CTNNA3: variants seen among roughly 807,000 people sequenced by gnomAD.
CTNNA3 encodes catenin alpha 3.
CTNNA3 carries 76 observed loss-of-function variants against 95.7 expected under a neutral mutation model. The observed-to-expected ratio is 0.79, with a 90% CI of 0.66 to 0.96. CTNNA3 has a LOEUF of 0.96. Ranked by LOEUF, CTNNA3 falls within the 40% of genes least tolerant of loss-of-function variation. The pLI is 0.00. For missense variants in CTNNA3, 1,191 were observed against 1,089.8 expected (o/e 1.09, Z -1.31); for synonymous variants, 431 against 374.4 (o/e 1.15, Z -1.74).
chr10:66,494,691 A>C (rs1388574415), intron 11 of CTNNA3, among the ~76,000 whole-genome samples: 1 of 152,210 alleles, frequency 6.6e-6, no homozygotes, highest in Admixed American at 6.5e-5. Flanking sequence ...TAGGAAATGT[A>C]ATGACTCTAC....
chr10:67,485,389 G>T (rs1452987971), intron 5 of CTNNA3, among the ~76,000 whole-genome samples: 1 of 152,120 alleles, frequency 6.6e-6, no homozygotes, highest in Non-Finnish European at 1.5e-5. Flanking sequence ...TACCTATTGT[G>T]TACTATGCCC....
intron 7 of CTNNA3, 92 bp from the exon 8 acceptor site, chr10:66,775,616 T>G (rs562520564): frequency 1.2e-6 from 1 of 861,520 alleles, no homozygotes; most frequent in Non-Finnish European, 1.9e-6. Context: ...AATAACAGCT[T>G]GAAATTCAAG....
intron 7 of CTNNA3, among the ~76,000 whole-genome samples, chr10:67,051,589 G>C (rs927751823): frequency 6.6e-6 from 1 of 150,520 alleles, no homozygotes; most frequent in African/African-American, 2.5e-5. Context: ...TCAGGAGATG[G>C]TCTCGATCTT....
At chr10:66,137,418 G>A (rs542932297) in intron 13 of CTNNA3, among the ~76,000 whole-genome samples, 3 of 152,078 alleles carry the variant, frequency 2.0e-5, no homozygotes, top group African/African-American at 7.2e-5. Context: ...GGACTGTTCT[G>A]GATTAAAGAA....
intron 11 of CTNNA3, among the ~76,000 whole-genome samples, chr10:66,508,551 T>C (rs2131985113): frequency 6.6e-6 from 1 of 152,224 alleles, no homozygotes; most frequent in African/African-American, 2.4e-5. Flanking sequence ...ATGTATAAAC[T>C]TCTGGGACTT....
intron 13 of CTNNA3, among the ~76,000 whole-genome samples, chr10:66,112,379 C>T (rs2082153952): frequency 6.6e-6 from 1 of 152,084 alleles, no homozygotes; most frequent in Admixed American, 6.6e-5. Context: ...TTTCTTCTTA[C>T]AATCTTTTAA....
intron 7 of CTNNA3, among the ~76,000 whole-genome samples, chr10:66,976,849 T>TTTGTTTTTGCTC (rs1235394275): frequency 2.4e-4 from 37 of 152,290 alleles, no homozygotes; most frequent in Non-Finnish European, 4.4e-5. Context: ...TACCCACGTT[T>TTTGTTTTTGCTC]TTGTTTTTGC....
In CTNNA3 at chr10:67,748,234, G is replaced by A. The variant is rs560895335; in HGVS notation, c.-2+15200C>T. Reference sequence around the variant, plus strand: ...AACTTAGCAAAACAGGCCAACATTCGAATTCAGGAAATACAGAGAACCCCA... The same window carrying A: ...AACTTAGCAAAACAGGCCAACATTCAAATTCAGGAAATACAGAGAACCCCA... On this transcript the variant is annotated intron_variant, in intron 1 of 17. Coordinates refer to the CTNNA3 transcript ENST00000684154. Among the ~76,000 whole-genome samples, 12 of 152,042 alleles carry A rather than the reference G, an allele frequency of 7.9e-5. 1 individual carries two copies. In the South Asian group the frequency reaches 1.7e-3, roughly 21 times the overall value.
intron 7 of CTNNA3, among the ~76,000 whole-genome samples, chr10:66,887,699 A>T (rs1347033334): frequency 6.6e-6 from 1 of 151,956 alleles, no homozygotes; most frequent in East Asian, 1.9e-4. Flanking sequence ...TGTAACTTCA[A>T]CTCCCTGAAT....
intron 3 of CTNNA3, among the ~76,000 whole-genome samples, chr10:67,601,926 T>A (rs1202035624): frequency 1.3e-5 from 2 of 152,136 alleles, no homozygotes; most frequent in Non-Finnish European, 1.5e-5. Flanking sequence ...GTAACCAAAA[T>A]ACCCACATTA....
At chr10:66,889,700 G>A (rs1047968452) in intron 7 of CTNNA3, among the ~76,000 whole-genome samples, 16 of 151,980 alleles carry the variant, frequency 1.1e-4, no homozygotes, top group African/African-American at 3.1e-4. Flanking sequence ...ATAAGTGAAC[G>A]AGAGGGAGAA....
intron 16 of CTNNA3, among the ~76,000 whole-genome samples, chr10:65,974,234 T>TA (rs779297976): frequency 2.2e-4 from 33 of 152,186 alleles, no homozygotes; most frequent in Non-Finnish European, 3.5e-4. Context: ...CTCATCCCGT[T>TA]ACTATGTACA....
chr10:67,372,929 G>A (rs1843535831), intron 5 of CTNNA3, among the ~76,000 whole-genome samples: 1 of 152,116 alleles, frequency 6.6e-6, no homozygotes, highest in African/African-American at 2.4e-5. Flanking sequence ...CAAATGCTGA[G>A]AGATTTTGTC....
intron 5 of CTNNA3, among the ~76,000 whole-genome samples, chr10:67,357,471 A>G (rs1355044021): frequency 6.6e-6 from 1 of 152,154 alleles, no homozygotes; most frequent in Non-Finnish European, 1.5e-5. Context: ...AAGACACTAG[A>G]GTAAACTTAA....
intron 9 of CTNNA3, among the ~76,000 whole-genome samples, chr10:66,717,580 T>C (rs1431573896): frequency 6.6e-6 from 1 of 152,076 alleles, no homozygotes. Flanking sequence ...TAAGCTGGCA[T>C]GTGGTGGGGA....
intron 5 of CTNNA3, among the ~76,000 whole-genome samples, chr10:67,291,588 TTTG>T (rs759720762): frequency 5.3e-5 from 8 of 152,174 alleles, no homozygotes; most frequent in Non-Finnish European, 1.0e-4. Flanking sequence ...ACCCAAATAG[TTTG>T]TTATCTCCTC....
intron 11 of CTNNA3, among the ~76,000 whole-genome samples, chr10:66,423,450 T>A (rs970539120): frequency 1.3e-5 from 2 of 152,152 alleles, no homozygotes; most frequent in African/African-American, 4.8e-5. Flanking sequence ...CATTTTAAAG[T>A]TCCCCTTGAT....
At chr10:67,013,711 G>T (rs1245137692) in intron 7 of CTNNA3, among the ~76,000 whole-genome samples, 2 of 152,162 alleles carry the variant, frequency 1.3e-5, no homozygotes, top group African/African-American at 4.8e-5. Flanking sequence ...AGGTAAAGCA[G>T]CTCAGTATAA....
At chr10:66,090,443 A>G (rs1169134975) in intron 14 of CTNNA3, among the ~76,000 whole-genome samples, 1 of 152,052 alleles carries the variant, frequency 6.6e-6, no homozygotes, top group African/African-American at 2.4e-5. Flanking sequence ...TTATCACTTA[A>G]TGATACATCA....
Sources: allele counts gnomAD v4.1 joint callset (sites outside exome capture counted in the v4.1 genomes callset), GRCh38; gene constraint gnomAD v4.1.1; transcripts MANE v1.5; gene names NCBI Gene and HGNC (gene_info 2026-07-23, HGNC 2026-07-21).